Variants in PDCL3 observed in about 807,000 individuals in gnomAD.
PDCL3 encodes phosducin like 3, also known as phosducin-like protein 3.
In PDCL3, 22 loss-of-function variants were observed where a neutral mutation model predicts 26.5. The observed-to-expected ratio is 0.83, with a 90% confidence interval of 0.59 to 1.19. The LOEUF is 1.19. Among genes scored for constraint, PDCL3 ranks in the 50% most tolerant of loss-of-function variants. PDCL3 has a pLI of 0.00. For synonymous variants in PDCL3, 81 were observed against 104.9 expected, an observed-to-expected ratio of 0.77 and a Z score of 1.39; for missense variants, 246 against 294.1, an observed-to-expected ratio of 0.84 and a Z score of 1.20.
intron 5 of PDCL3, among the ~76,000 whole-genome samples, chr2:100,573,565 C>T (rs1254241910): frequency 6.6e-6 from 1 of 151,450 alleles, no homozygotes; most frequent in Non-Finnish European, 1.5e-5. Flanking sequence ...ATTCCAGCTA[C>T]TCGGAGGCTG....
At chr2:100,576,264 T>A in intron 5 of PDCL3, 90 bp from the exon 6 acceptor site, 9 of 1,450,484 alleles carry the variant, frequency 6.2e-6, no homozygotes, top group Non-Finnish European at 6.5e-6. Context: ...TTGTATTTTC[T>A]ACTTAGAAAA....
chr2:100,567,680 G>C (rs1675083484), intron 2 of PDCL3, among the ~76,000 whole-genome samples: 1 of 152,182 alleles, frequency 6.6e-6, no homozygotes, highest in African/African-American at 2.4e-5. Context: ...GCATGGCTGG[G>C]AATCCCTGAG....
chr2:100,566,750 T>A, intron 2 of PDCL3, 121 bp downstream of exon 2: 1 of 1,424,152 alleles, frequency 7.0e-7, no homozygotes, highest in Non-Finnish European at 9.5e-7. Flanking sequence ...CTGTGGGACC[T>A]CAGACAAAAC....
chr2:100,564,517 C>G lies in PDCL3; in HGVS notation c.6+1444C>G, dbSNP rs1160160489. On this transcript the variant is annotated intron_variant, in intron 1 of 5. Coordinates refer to ENST00000264254, the MANE Select transcript of PDCL3 (RefSeq NM_024065.5). ...TTCACCATGTTAGCCAGAATTGTCTCGATCTCCTGACCTGGTGATCTGCCC... is the reference window on the plus strand; with the variant it reads ...TTCACCATGTTAGCCAGAATTGTCTGGATCTCCTGACCTGGTGATCTGCCC... Among the ~76,000 whole-genome samples the G allele has an allele frequency of 2.6e-5, 4 of 152,082 alleles. No individual in the cohort carries two copies. The East Asian group carries it at 7.8e-4, about 30-fold the overall frequency.
chr2:100,566,473 C>A (rs1174175427), intron 1 of PDCL3, 30 bp from the exon 2 acceptor site: 1 of 1,610,362 alleles, frequency 6.2e-7, no homozygotes, highest in African/African-American at 1.3e-5. Context: ...AGACTTAGCA[C>A]TCATGGTAAC....
chr2:100,566,607 G>T lies in PDCL3; in HGVS notation c.111G>T (p.Gln37His), dbSNP rs760479644. The T allele has an allele frequency of 6.2e-6, 10 of 1,614,046 alleles. No homozygotes were observed. In the Admixed American group the frequency reaches 1.7e-4, roughly 27 times the overall value. ...KELEEEAEEE[Q>H]RILQQSVVKT... ...TGGAAGAGGAGGCAGAAGAGGAGCA[G>T]CGCATCCTCCAGCAGTCAGTGGGTG... Residue 37 changes from glutamine (Q) to histidine (H), a missense_variant, in exon 2 of 6, where the codon CAG (glutamine) becomes CAT (histidine). Gln to His is a conservative substitution (Grantham distance 24, BLOSUM62 0). Transcript: ENST00000264254.
intron 5 of PDCL3, among the ~76,000 whole-genome samples, chr2:100,573,174 C>T (rs1287932664): frequency 6.6e-6 from 1 of 151,978 alleles, no homozygotes; most frequent in South Asian, 2.1e-4. Context: ...TGAGCCACCG[C>T]GCCCGGCTGT....
In PDCL3 at chr2:100,568,954, T is replaced by C; in HGVS notation, c.157T>C (p.Leu53=). 6.2e-7 allele frequency: 1 copy of C among 1,614,020 alleles called. No homozygotes were observed. The highest frequency in any genetic ancestry group is 8.5e-7 in the Non-Finnish European group (1 of 1,179,906). The change falls in exon 3 of 6, where the codon TTG becomes CTG. Residue 53 remains leucine (L), a synonymous_variant. Transcript: ENST00000264254. ...AGTGAAAACATATGAAGATATGACT[T>C]TGGAAGAGCTGGAGGATCATGAAGA... ...SVVKTYEDMT[L]EELEDHEDEF...
chr2:100,563,704 A>G (rs553562765), intron 1 of PDCL3, among the ~76,000 whole-genome samples: 2 of 151,786 alleles, frequency 1.3e-5, no homozygotes, highest in Admixed American at 1.3e-4. Flanking sequence ...GTTAAAGCCT[A>G]AGGAGAATGA....
At chr2:100,564,383 G>T (rs1675018480) in intron 1 of PDCL3, among the ~76,000 whole-genome samples, 1 of 151,744 alleles carries the variant, frequency 6.6e-6, no homozygotes, top group Non-Finnish European at 1.5e-5. Context: ...TGCAAGCTCC[G>T]CCTCTCCAGT....
chr2:100,572,786 T>C (rs1252798466), intron 5 of PDCL3, among the ~76,000 whole-genome samples: 1 of 152,190 alleles, frequency 6.6e-6, no homozygotes, highest in Non-Finnish European at 1.5e-5. Context: ...CCCAAAGTGC[T>C]GGGATTACAG....
In PDCL3 at chr2:100,576,519, C is replaced by T. The variant is rs768201464; in HGVS notation, c.*23C>T. ...TGAGGCTACAGCTTCTATCACATGC[C>T]GAACTTTCTTGTGACAAATTGTCTG... On this transcript the variant is annotated 3_prime_UTR_variant, in exon 6 of 6. Transcript: ENST00000264254. 28 of 1,525,262 alleles carry T rather than the reference C, an allele frequency of 1.8e-5. No homozygotes were observed. The highest frequency in any genetic ancestry group is 1.6e-4 in the African/African-American group (11 of 70,820). 94.5% of individuals were successfully genotyped at this position (1,525,262 alleles called of 1,614,324 possible).
chr2:100,567,714 A>G lies in PDCL3; in HGVS notation c.133+1085A>G, dbSNP rs900188398. 1.3e-4 allele frequency among the ~76,000 whole-genome samples: 20 copies of G among 152,110 alleles called. 1 individual carries two copies. The highest frequency in any genetic ancestry group is 2.1e-4 in the South Asian group (1 of 4,818). ...AGGAGCTGGAGGCGCTGGGGGAGAG[A>G]GTTCAGAGCAGCCTCAGCAGACCCA... On this transcript the variant is annotated intron_variant, in intron 2 of 5. Coordinates refer to ENST00000264254, the MANE Select transcript of PDCL3 (RefSeq NM_024065.5).
rs1244610989 is a variant in PDCL3, at chr2:100,576,523, C to T, written c.*27C>T. 6.6e-7 allele frequency: 1 copy of T among 1,522,576 alleles called. No individual in the cohort carries two copies. The allele number at this position is 1,522,576 out of a possible 1,614,324, so 94.3% of individuals were successfully genotyped here. The stretch of plus-strand genomic sequence containing the variant: ...GCTACAGCTTCTATCACATGCCGAA[C>T]TTTCTTGTGACAAATTGTCTGGATT... On this transcript the variant is annotated 3_prime_UTR_variant, in exon 6 of 6. Coordinates refer to ENST00000264254, the MANE Select transcript of PDCL3 (RefSeq NM_024065.5).
intron 4 of PDCL3, 28 bp from the exon 5 acceptor site, chr2:100,571,562 G>A (rs1040964585): frequency 5.6e-6 from 9 of 1,598,698 alleles, no homozygotes; most frequent in Non-Finnish European, 6.8e-6. Flanking sequence ...GATCATAATT[G>A]CTTCTGTTTT....
chr2:100,569,835 A>C, intron 4 of PDCL3, 114 bp downstream of exon 4: 1 of 1,179,186 alleles, frequency 8.5e-7, no homozygotes, highest in East Asian at 2.7e-5. Flanking sequence ...GGCCAGGCGC[A>C]GTAGCTCACA....
At position 100,571,575 on chromosome 2, in the gene PDCL3, A is replaced by G. The variant is rs576082382; in HGVS notation, c.369-15A>G. ...AGGATCATAATTGCTTCTGTTTTCT[A>G]TGTGTGTTTTATAGAATTCCCCTCT... On this transcript the variant is annotated splice_polypyrimidine_tract_variant and intron_variant, in intron 4 of 5. Coordinates refer to ENST00000264254, the MANE Select transcript of PDCL3 (RefSeq NM_024065.5). 90 of 1,610,288 alleles carry G rather than the reference A, an allele frequency of 5.6e-5. No individual in the cohort carries two copies. Among genetic ancestry groups the G allele is most frequent in the Non-Finnish European group, 7.0e-5 (83 of 1,178,526 alleles).
intron 5 of PDCL3, among the ~76,000 whole-genome samples, chr2:100,574,419 T>A (rs900419237): frequency 5.9e-5 from 9 of 151,874 alleles, no homozygotes; most frequent in African/African-American, 2.2e-4. Flanking sequence ...AAAATACTGG[T>A]GTTACTCATC....
chr2:100,573,639 C>T (rs1462006632), intron 5 of PDCL3, among the ~76,000 whole-genome samples: 1 of 149,570 alleles, frequency 6.7e-6, no homozygotes, highest in African/African-American at 2.5e-5. Context: ...TGCCATTGCA[C>T]TCCAGCCTGG....
Sources: gnomAD v4.1 joint callset for allele counts (sites outside exome capture counted in the v4.1 genomes callset) on GRCh38, gnomAD v4.1.1 for gene constraint, MANE v1.5 for transcripts, NCBI Gene and HGNC (gene_info 2026-07-23, HGNC 2026-07-21) for gene names.